Variants in DAPK1 observed in about 807,000 individuals in gnomAD.
DAPK1 encodes death-associated protein kinase 1.
A neutral mutation model predicts 144.9 loss-of-function variants in DAPK1; 56 were observed. The ratio of observed to expected loss-of-function variants is 0.39; its 90% CI spans 0.31 to 0.48. The LOEUF is 0.48. Among genes scored for constraint, DAPK1 ranks in the 20% least tolerant of loss-of-function variants. The probability of loss-of-function intolerance (pLI) is 0.95; values close to 1 mark genes in which losing one functional copy is unlikely to be tolerated. For missense variants in DAPK1, 1,454 were observed against 1,875.4 expected, an observed-to-expected ratio of 0.78 and a Z score of 4.15; for synonymous variants, 690 against 749.0, an observed-to-expected ratio of 0.92 and a Z score of 1.29.
At chr9:87,603,831 G>A (rs751091541) in intron 2 of DAPK1, among the ~76,000 whole-genome samples, 8 of 152,082 alleles carry the variant, frequency 5.3e-5, no homozygotes, top group Non-Finnish European at 1.2e-4. Context: ...ACCGTCTCAC[G>A]CACTTACTGC....
rs1187656812 is a variant in DAPK1, at chr9:87,508,500, A to G, written c.62+9361A>G. Among the ~76,000 whole-genome samples the G allele has an allele frequency of 2.0e-5, 3 of 151,742 alleles. No homozygotes were observed. The East Asian group carries it at 5.9e-4, about 30-fold the overall frequency. On this transcript the variant is annotated intron_variant, in intron 2 of 25. Transcript: ENST00000408954. ...TGGGACTACAGGTGCCCGCCACCAC[A>G]CCTGGCTAATTTTTGGTATTTTTAG... is the stretch of plus-strand genomic sequence containing the variant.
chr9:87,534,650 C>CTTT (rs546312068), intron 2 of DAPK1, among the ~76,000 whole-genome samples: 145 of 145,428 alleles, frequency 1.0e-3, no homozygotes, highest in African/African-American at 2.2e-3. Flanking sequence ...GATTTCTTTT[C>CTTT]TTTTTTTTTT....
chr9:87,507,332 C>A (rs1376370238), intron 2 of DAPK1, among the ~76,000 whole-genome samples: 8 of 152,194 alleles, frequency 5.3e-5, no homozygotes, highest in Non-Finnish European at 1.0e-4. Flanking sequence ...CCTGCCTCAG[C>A]CTCCCAAGTA....
intron 21 of DAPK1, among the ~76,000 whole-genome samples, chr9:87,688,369 C>T (rs949958200): frequency 3.3e-5 from 5 of 152,114 alleles, no homozygotes; most frequent in African/African-American, 1.2e-4. Context: ...GACTCCGTGT[C>T]GTTGCTGTTG....
chr9:87,694,922 A>C (rs1471098437), intron 21 of DAPK1, among the ~76,000 whole-genome samples: 3 of 152,200 alleles, frequency 2.0e-5, no homozygotes, highest in Non-Finnish European at 4.4e-5. Flanking sequence ...CAATACTGTC[A>C]TGCAGTCTCC....
At chr9:87,632,806 A>G in intron 3 of DAPK1, 1 of 981,242 alleles carries the variant, frequency 1.0e-6, no homozygotes, top group African/African-American at 1.8e-5. Flanking sequence ...ATATGTAGGG[A>G]TGAAGGAGGT....
chr9:87,700,701 A>G (rs909637656), intron 24 of DAPK1, among the ~76,000 whole-genome samples: 2 of 151,980 alleles, frequency 1.3e-5, no homozygotes, highest in African/African-American at 4.8e-5. Flanking sequence ...GGGTCTTACT[A>G]TGTTGCCCAG....
At chr9:87,525,466 G>GATCA in intron 2 of DAPK1, 4 of 1,579,058 alleles carry the variant, frequency 2.5e-6, no homozygotes, top group Middle Eastern at 2.3e-4. Flanking sequence ...GTTTCATTAA[G>GATCA]TTGGACTAAA....
At chr9:87,566,083 C>T (rs1046055715) in intron 2 of DAPK1, among the ~76,000 whole-genome samples, 4 of 149,574 alleles carry the variant, frequency 2.7e-5, no homozygotes, top group African/African-American at 5.0e-5. Flanking sequence ...TGCAGTGGCA[C>T]GATCTTGGCT....
intron 2 of DAPK1, among the ~76,000 whole-genome samples, chr9:87,529,726 T>C (rs913017833): frequency 2.0e-5 from 3 of 152,248 alleles, no homozygotes; most frequent in Non-Finnish European, 4.4e-5. Context: ...CTTGACTGCA[T>C]TGAGGCTGCC....
chr9:87,681,053 C>T (rs963582851), intron 19 of DAPK1, among the ~76,000 whole-genome samples: 24 of 152,194 alleles, frequency 1.6e-4, no homozygotes, highest in African/African-American at 1.9e-4. Flanking sequence ...CCAAGGCGGG[C>T]GGATCACCTG....
chr9:87,604,126 A>G (rs920340209), intron 2 of DAPK1, among the ~76,000 whole-genome samples: 2 of 152,120 alleles, frequency 1.3e-5, no homozygotes, highest in African/African-American at 4.8e-5. Context: ...CTTCAAACTA[A>G]GAGTGGCTCT....
intron 2 of DAPK1, among the ~76,000 whole-genome samples, chr9:87,545,536 A>C (rs376461732): frequency 1.3e-5 from 2 of 152,096 alleles, no homozygotes; most frequent in African/African-American, 4.8e-5. Context: ...TCGGTGAGGC[A>C]TTTCAGCTTT....
intron 2 of DAPK1, among the ~76,000 whole-genome samples, chr9:87,529,978 AG>A (rs991371059): frequency 1.3e-5 from 2 of 152,232 alleles, no homozygotes; most frequent in Non-Finnish European, 2.9e-5. Flanking sequence ...CAAGCTTCTC[AG>A]AACCCCTGCT....
chr9:87,587,331 G>T (rs1193306214), intron 2 of DAPK1, among the ~76,000 whole-genome samples: 6 of 152,126 alleles, frequency 3.9e-5, no homozygotes, highest in Admixed American at 3.9e-4. Flanking sequence ...TTCTAACATT[G>T]AACATTTCTC....
intron 17 of DAPK1, 146 bp downstream of exon 17, chr9:87,651,870 C>T (rs539901832): frequency 1.6e-6 from 1 of 639,582 alleles, no homozygotes; most frequent in Admixed American, 2.3e-5. Context: ...TGTGTCCTCC[C>T]ACCTGATCCC....
At chr9:87,678,740 T>A (rs1356668179) in intron 19 of DAPK1, among the ~76,000 whole-genome samples, 2 of 152,146 alleles carry the variant, frequency 1.3e-5, no homozygotes, top group Non-Finnish European at 2.9e-5. Context: ...CCCAGGAGAA[T>A]TCTTCGCTGT....
chr9:87,648,791 T>G lies in DAPK1; in HGVS notation c.1340T>G (p.Met447Arg). The G allele has an allele frequency of 6.2e-7, 1 of 1,614,070 alleles. No homozygotes were observed. Among genetic ancestry groups the G allele is most frequent in the South Asian group, 1.1e-5 (1 of 91,084 alleles). Residue 447 changes from methionine to arginine, a missense_variant, in exon 15 of 26, where the codon ATG (methionine) becomes AGG (arginine). Coordinates refer to ENST00000408954, the MANE Select transcript of DAPK1 (RefSeq NM_004938.4). The stretch of plus-strand genomic sequence containing the variant: ...CCTTTTCTTCTGCAGTCTGGAGAGA[T>G]GGCCCTCCACGTGGCAGCTCGCTAT... ...PLDVKDKSGE[M>R]ALHVAARYGH...
intron 2 of DAPK1, among the ~76,000 whole-genome samples, chr9:87,579,112 C>A (rs750464929): frequency 1.3e-5 from 2 of 152,166 alleles, no homozygotes; most frequent in African/African-American, 4.8e-5. Context: ...TATATATAAT[C>A]TATTCCAAGG....
Sources: gnomAD v4.1 joint callset for allele counts (sites outside exome capture counted in the v4.1 genomes callset) on GRCh38, gnomAD v4.1.1 for gene constraint, MANE v1.5 for transcripts, NCBI Gene and HGNC (gene_info 2026-07-23, HGNC 2026-07-21) for gene names.